Variants in DOCK2 observed in about 807,000 individuals in gnomAD.
The protein encoded by DOCK2 is dedicator of cytokinesis 2.
In DOCK2, 87 loss-of-function variants were observed where a neutral mutation model predicts 248.9. The ratio of observed to expected loss-of-function variants is 0.35; its 90% CI spans 0.29 to 0.42. DOCK2 has a LOEUF of 0.42. Ranked by LOEUF, DOCK2 falls within the 10% of genes least tolerant of loss-of-function variation. DOCK2 has a pLI of 1.00. For synonymous variants in DOCK2, 805 were observed against 821.6 expected, an observed-to-expected ratio of 0.98 and a Z score of 0.35; for missense variants, 1,747 against 2,300.2, an observed-to-expected ratio of 0.76 and a Z score of 4.92.
intron 8 of DOCK2, among the ~76,000 whole-genome samples, chr5:169,687,630 G>A (rs535483126): frequency 6.6e-6 from 1 of 152,306 alleles, no homozygotes; most frequent in African/African-American, 2.4e-5. Context: ...AAATGGCGTG[G>A]AAAATCTGAT....
chr5:169,649,799 T>C (rs1757696763), intron 1 of DOCK2, among the ~76,000 whole-genome samples: 1 of 151,042 alleles, frequency 6.6e-6, no homozygotes, highest in Non-Finnish European at 1.5e-5. Context: ...GTGCTAGGGA[T>C]TTTTTTTTCT....
intron 27 of DOCK2, among the ~76,000 whole-genome samples, chr5:169,912,626 T>C (rs1774663402): frequency 1.3e-5 from 2 of 151,764 alleles, no homozygotes. Context: ...AGTGTATGTG[T>C]GTGTGTGTGT....
intron 27 of DOCK2, among the ~76,000 whole-genome samples, chr5:169,932,532 C>T (rs1775805316): frequency 6.6e-6 from 1 of 152,146 alleles, no homozygotes; most frequent in South Asian, 2.1e-4. Flanking sequence ...AATCTGCATG[C>T]CTCACTGATG....
intron 33 of DOCK2, among the ~76,000 whole-genome samples, chr5:170,024,581 AC>A (rs1755841776): frequency 6.6e-6 from 1 of 152,126 alleles, no homozygotes; most frequent in South Asian, 2.1e-4. Flanking sequence ...AGTGCCTTAT[AC>A]GTGTGTTTGC....
At chr5:169,817,400 C>T (rs1265506204) in intron 26 of DOCK2, among the ~76,000 whole-genome samples, 4 of 152,168 alleles carry the variant, frequency 2.6e-5, no homozygotes, top group African/African-American at 4.8e-5. Context: ...TGTCAGGTAC[C>T]ATGCTAGGCC....
At chr5:169,732,067 CGA>C (rs1429334954) in intron 22 of DOCK2, among the ~76,000 whole-genome samples, 1 of 152,024 alleles carries the variant, frequency 6.6e-6, no homozygotes, top group Non-Finnish European at 1.5e-5. Context: ...TGCAGTGAGC[CGA>C]GATTGCACCA....
intron 2 of DOCK2, among the ~76,000 whole-genome samples, chr5:169,660,129 T>C (rs1159380691): frequency 6.6e-6 from 1 of 152,168 alleles, no homozygotes; most frequent in Non-Finnish European, 1.5e-5. Flanking sequence ...CTGACATCTT[T>C]GTGTGAAGCT....
chr5:169,831,335 G>C (rs1429220521), intron 26 of DOCK2, among the ~76,000 whole-genome samples: 1 of 152,126 alleles, frequency 6.6e-6, no homozygotes, highest in Admixed American at 6.6e-5. Context: ...TGAATAAACT[G>C]TCATGTACAT....
intron 40 of DOCK2, among the ~76,000 whole-genome samples, chr5:170,048,120 G>T (rs1756780314): frequency 6.6e-6 from 1 of 152,208 alleles, no homozygotes; most frequent in African/African-American, 2.4e-5. Flanking sequence ...GTCCAGGCAT[G>T]GTGGCTGATG....
At chr5:169,700,425 G>C (rs971270916) in intron 13 of DOCK2, among the ~76,000 whole-genome samples, 4 of 151,690 alleles carry the variant, frequency 2.6e-5, no homozygotes, top group Admixed American at 2.0e-4. Context: ...TCTACAACTT[G>C]TTTTTATCAC....
At chr5:169,816,449 CTA>C (rs1768074988) in intron 26 of DOCK2, among the ~76,000 whole-genome samples, 1 of 152,214 alleles carries the variant, frequency 6.6e-6, no homozygotes, top group Non-Finnish European at 1.5e-5. Context: ...TGCAAGCAAC[CTA>C]GCATGCTAAA....
At chr5:169,766,599 T>C (rs1764811070) in intron 25 of DOCK2, among the ~76,000 whole-genome samples, 1 of 152,208 alleles carries the variant, frequency 6.6e-6, no homozygotes, top group African/African-American at 2.4e-5. Context: ...TTTGCATACA[T>C]ACCCAGTAAT....
chr5:170,069,170 C>T lies in DOCK2; in HGVS notation c.4678C>T (p.Pro1560Ser), dbSNP rs1757595485. 1 of 1,613,968 alleles carries T rather than the reference C, an allele frequency of 6.2e-7. No individual in the cohort carries two copies. Among genetic ancestry groups the T allele is most frequent in the African/African-American group, 1.3e-5 (1 of 74,920 alleles). ...CACTGAAGAGTATGTCAGGGACCAC[C>T]CTGAGGACCAGGACAAGCTGACCCA... ...FFTEEYVRDH[P>S]EDQDKLTHLK... The change falls in exon 46 of 52, where the codon CCT (proline) becomes TCT (serine). Residue 1560 changes from proline (P) to serine (S), a missense_variant. Pro to Ser is a moderately conservative substitution (Grantham distance 74). Coordinates refer to ENST00000520908, the MANE Select transcript of DOCK2 (RefSeq NM_004946.3).
chr5:169,985,111 G>A (rs1000675608), intron 28 of DOCK2, among the ~76,000 whole-genome samples: 1 of 151,964 alleles, frequency 6.6e-6, no homozygotes, highest in Non-Finnish European at 1.5e-5. Flanking sequence ...GACCATGTTG[G>A]CCAGGATGGT....
chr5:169,918,189 A>G (rs149812778), intron 27 of DOCK2, among the ~76,000 whole-genome samples: 1 of 152,222 alleles, frequency 6.6e-6, no homozygotes, highest in Admixed American at 6.5e-5. Flanking sequence ...CAGAAACCAC[A>G]TATGATCCTT....
intron 26 of DOCK2, among the ~76,000 whole-genome samples, chr5:169,837,188 G>T (rs1317529014): frequency 1.3e-5 from 2 of 152,134 alleles, no homozygotes; most frequent in African/African-American, 4.8e-5. Context: ...ACTACAATTT[G>T]CAGTGTGTTT....
chr5:169,970,989 G>T (rs2113763560), intron 27 of DOCK2, among the ~76,000 whole-genome samples: 2 of 152,184 alleles, frequency 1.3e-5, no homozygotes, highest in South Asian at 2.1e-4. Context: ...GGGGAGGGTG[G>T]GGCAGCGGGG....
At chr5:169,654,324 G>C (rs1348698210) in intron 1 of DOCK2, 79 bp from the exon 2 acceptor site, 2 of 1,534,802 alleles carry the variant, frequency 1.3e-6, no homozygotes, top group Non-Finnish European at 1.8e-6. Flanking sequence ...GGATGGACTT[G>C]AGGCAGGGAA....
chr5:169,922,290 A>G (rs1297046894), intron 27 of DOCK2, among the ~76,000 whole-genome samples: 1 of 152,252 alleles, frequency 6.6e-6, no homozygotes, highest in African/African-American at 2.4e-5. Context: ...GAAGGCTCAG[A>G]GAAGATGAGC....
Sources: allele counts gnomAD v4.1 joint callset (sites outside exome capture counted in the v4.1 genomes callset), GRCh38; gene constraint gnomAD v4.1.1; transcripts MANE v1.5; gene names NCBI Gene and HGNC (gene_info 2026-07-23, HGNC 2026-07-21).